CDH13: variants seen among roughly 807,000 people sequenced by gnomAD.
The protein encoded by CDH13 is cadherin 13.
In CDH13, 24 loss-of-function variants were observed where a neutral mutation model predicts 63.8. The observed-to-expected ratio is 0.38, with a 90% CI of 0.27 to 0.53. CDH13 has a LOEUF of 0.53. Among genes scored for constraint, CDH13 ranks in the 20% least tolerant of loss-of-function variants. The pLI is 0.85. For missense variants in CDH13, 1,049 were observed against 903.1 expected, an observed-to-expected ratio of 1.16 and a Z score of -2.07; for synonymous variants, 503 against 355.3, an observed-to-expected ratio of 1.42 and a Z score of -4.67.
chr16:83,200,029 G>A (rs2038980584), intron 4 of CDH13, among the ~76,000 whole-genome samples: 1 of 152,164 alleles, frequency 6.6e-6, no homozygotes, highest in African/African-American at 2.4e-5. Context: ...GACAGTGGCT[G>A]GGCCAGATTT....
At chr16:82,883,496 C>G (rs749284142) in intron 2 of CDH13, among the ~76,000 whole-genome samples, 7 of 152,172 alleles carry the variant, frequency 4.6e-5, no homozygotes, top group Non-Finnish European at 1.0e-4. Flanking sequence ...TGTTTTCCAT[C>G]GACTATCTCA....
At chr16:82,860,392 G>C (rs866958082) in intron 2 of CDH13, among the ~76,000 whole-genome samples, 4 of 132,222 alleles carry the variant, frequency 3.0e-5, no homozygotes, top group South Asian at 2.9e-4. Context: ...TGTGTGTGGG[G>C]GGGGGGGCGG....
At chr16:83,090,723 G>C (rs938190235) in intron 3 of CDH13, among the ~76,000 whole-genome samples, 10 of 152,022 alleles carry the variant, frequency 6.6e-5, no homozygotes, top group Non-Finnish European at 1.5e-4. Context: ...GCACGAGTTG[G>C]TGATTAAACT....
At chr16:83,328,763 G>A (rs890615715) in intron 5 of CDH13, among the ~76,000 whole-genome samples, 1 of 152,048 alleles carries the variant, frequency 6.6e-6, no homozygotes, top group East Asian at 1.9e-4. Flanking sequence ...TTTGACTCAG[G>A]CATTGTACCA....
chr16:83,562,913 A>G (rs986950258), intron 7 of CDH13, among the ~76,000 whole-genome samples: 3 of 152,188 alleles, frequency 2.0e-5, no homozygotes, highest in African/African-American at 7.2e-5. Flanking sequence ...TGGGTAGCCA[A>G]GAGGGACGAG....
At chr16:83,716,350 C>G (rs910135662) in intron 10 of CDH13, among the ~76,000 whole-genome samples, 1 of 152,216 alleles carries the variant, frequency 6.6e-6, no homozygotes, top group African/African-American at 2.4e-5. Context: ...AAATGTATAA[C>G]AGCATGCATC....
chr16:83,306,964 T>C (rs1198129284), intron 5 of CDH13, among the ~76,000 whole-genome samples: 1 of 152,232 alleles, frequency 6.6e-6, no homozygotes, highest in Non-Finnish European at 1.5e-5. Flanking sequence ...TCATGTTTGT[T>C]TCCTGAGCCT....
chr16:83,046,251 A>G (rs970831918), intron 3 of CDH13, among the ~76,000 whole-genome samples: 1 of 152,236 alleles, frequency 6.6e-6, no homozygotes, highest in African/African-American at 2.4e-5. Flanking sequence ...GCAGTGGCAG[A>G]TATTGTTATT....
intron 10 of CDH13, chr16:83,735,292 A>C (rs1349467037): frequency 6.6e-6 from 1 of 152,206 alleles, no homozygotes; most frequent in Non-Finnish European, 1.5e-5. Context: ...ACCTCTCCCC[A>C]GTCCTTTGCC....
chr16:83,762,382 GATAAA>G, intron 11 of CDH13, among the ~76,000 whole-genome samples: 1 of 150,422 alleles, frequency 6.6e-6, no homozygotes, highest in Non-Finnish European at 1.5e-5. Context: ...CTTAAGAAAG[GATAAA>G]ATAAAAAAAA....
intron 5 of CDH13, among the ~76,000 whole-genome samples, chr16:83,221,613 G>A (rs1358854656): frequency 6.6e-6 from 1 of 151,656 alleles, no homozygotes; most frequent in Non-Finnish European, 1.5e-5. Flanking sequence ...GGGATGACGG[G>A]AGTGGAGTGG....
intron 7 of CDH13, among the ~76,000 whole-genome samples, chr16:83,492,681 C>A (rs1454960289): frequency 6.6e-6 from 1 of 152,208 alleles, no homozygotes; most frequent in South Asian, 2.1e-4. Context: ...AGGCAGAATG[C>A]TAAGTCCTGG....
intron 4 of CDH13, among the ~76,000 whole-genome samples, chr16:83,131,405 GC>G (rs1567860284): frequency 1.3e-5 from 2 of 152,186 alleles, no homozygotes; most frequent in Non-Finnish European, 2.9e-5. Flanking sequence ...ACTCTAGACA[GC>G]AGGGAGGAGC....
intron 6 of CDH13, among the ~76,000 whole-genome samples, chr16:83,362,942 T>G (rs1224398920): frequency 6.6e-6 from 1 of 152,188 alleles, no homozygotes; most frequent in Middle Eastern, 3.2e-3. Flanking sequence ...AAGAAGCTGC[T>G]CTAAGTCATC....
chr16:83,193,206 T>C (rs112224391), intron 4 of CDH13, among the ~76,000 whole-genome samples: 1,871 of 151,888 alleles, frequency 0.012, 29 homozygotes, highest in African/African-American at 0.042. Context: ...GGCTTCTAGA[T>C]ACTGAGCCAT....
intron 5 of CDH13, among the ~76,000 whole-genome samples, chr16:83,324,806 T>A (rs1253800340): frequency 6.6e-6 from 1 of 152,222 alleles, no homozygotes; most frequent in Non-Finnish European, 1.5e-5. Context: ...CACTCTAGGC[T>A]GAACTATTTG....
chr16:83,215,954 T>A (rs945311705), intron 4 of CDH13, among the ~76,000 whole-genome samples: 2 of 152,090 alleles, frequency 1.3e-5, no homozygotes, highest in African/African-American at 4.8e-5. Context: ...CCAATAATAG[T>A]TCTCTTTAGT....
chr16:82,878,667 G>T (rs573089758), intron 2 of CDH13, among the ~76,000 whole-genome samples: 3 of 150,938 alleles, frequency 2.0e-5, no homozygotes, highest in African/African-American at 7.3e-5. Context: ...GGGCATGGTT[G>T]TTGGTCCAAT....
chr16:83,188,597 C>T (rs555692759), intron 4 of CDH13, among the ~76,000 whole-genome samples: 2 of 152,142 alleles, frequency 1.3e-5, no homozygotes, highest in Non-Finnish European at 2.9e-5. Context: ...GGCTCCCAAA[C>T]CTGTCCTTTT....
Sources: allele counts gnomAD v4.1 joint callset (sites outside exome capture counted in the v4.1 genomes callset), GRCh38; gene constraint gnomAD v4.1.1; transcripts MANE v1.5; gene names NCBI Gene and HGNC (gene_info 2026-07-23, HGNC 2026-07-21).